Variants in CNTNAP2 observed in about 807,000 individuals in gnomAD.
CNTNAP2 encodes the protein contactin-associated protein-like 2.
Under a neutral mutation model 155.2 loss-of-function variants are expected in CNTNAP2, and 98 were observed. That is an observed-to-expected ratio of 0.63 (90% CI 0.54 to 0.75). The LOEUF (loss-of-function observed/expected upper bound fraction) is 0.75, where lower values mean the gene tolerates loss of function less well. Ranked by LOEUF, CNTNAP2 falls within the 30% of genes least tolerant of loss-of-function variation. The pLI, the probability that CNTNAP2 is intolerant of heterozygous loss-of-function variation, is 0.00. For missense variants in CNTNAP2, 1,727 were observed against 1,688.1 expected (o/e 1.02, Z -0.40); for synonymous variants, 651 against 631.2 (o/e 1.03, Z -0.47).
chr7:146,684,572 G>A (rs1244294746), intron 1 of CNTNAP2, among the ~76,000 whole-genome samples: 1 of 123,706 alleles, frequency 8.1e-6, no homozygotes, highest in African/African-American at 3.1e-5. Context: ...ATATTTATAT[G>A]ATGACAAGAT....
intron 1 of CNTNAP2, among the ~76,000 whole-genome samples, chr7:146,544,131 AC>A (rs1797994202): frequency 6.6e-6 from 1 of 151,980 alleles, no homozygotes; most frequent in African/African-American, 2.4e-5. Flanking sequence ...ATAATTTAGT[AC>A]CCTGAGTTTT....
chr7:146,270,149 T>A (rs932360594), intron 1 of CNTNAP2, among the ~76,000 whole-genome samples: 1 of 152,222 alleles, frequency 6.6e-6, no homozygotes, highest in African/African-American at 2.4e-5. Context: ...TGGTTATTTT[T>A]AAATTAGGAG....
At chr7:147,090,985 G>T (rs968684831) in intron 4 of CNTNAP2, among the ~76,000 whole-genome samples, 2 of 151,960 alleles carry the variant, frequency 1.3e-5, no homozygotes, top group African/African-American at 4.8e-5. Flanking sequence ...AAAAATAAAT[G>T]AAAAATTAAG....
chr7:147,484,189 C>A (rs1234584676), intron 10 of CNTNAP2, among the ~76,000 whole-genome samples: 1 of 152,178 alleles, frequency 6.6e-6, no homozygotes, highest in Non-Finnish European at 1.5e-5. Flanking sequence ...GCCTTGATAA[C>A]ACTGAGCCCA....
At chr7:148,102,150 G>C (rs13247565) in intron 15 of CNTNAP2, among the ~76,000 whole-genome samples, 16,964 of 152,038 alleles carry the variant, frequency 0.11, 1,198 homozygotes, top group East Asian at 0.18. Context: ...CCTCAAGTAG[G>C]CCCCTGGGTC....
At chr7:146,251,897 C>A (rs1799762077) in intron 1 of CNTNAP2, among the ~76,000 whole-genome samples, 1 of 152,204 alleles carries the variant, frequency 6.6e-6, no homozygotes, top group African/African-American at 2.4e-5. Flanking sequence ...TCTGGGTCTT[C>A]TTTATCAGTC....
At chr7:147,482,110 A>AG (rs1227192057) in intron 10 of CNTNAP2, among the ~76,000 whole-genome samples, 4 of 152,296 alleles carry the variant, frequency 2.6e-5, no homozygotes, top group African/African-American at 9.6e-5. Flanking sequence ...AAGAATTATA[A>AG]GATAAAAACC....
chr7:148,057,160 G>A (rs1346072045), intron 15 of CNTNAP2, among the ~76,000 whole-genome samples: 7 of 152,162 alleles, frequency 4.6e-5, no homozygotes, highest in Non-Finnish European at 7.3e-5. Context: ...ACATAGTTTA[G>A]AAGTTAAGAG....
intron 6 of CNTNAP2, among the ~76,000 whole-genome samples, chr7:147,123,212 C>T (rs1262451484): frequency 6.6e-6 from 1 of 152,100 alleles, no homozygotes; most frequent in African/African-American, 2.4e-5. Flanking sequence ...TAGTATGTGT[C>T]TTGGCTCATG....
intron 13 of CNTNAP2, among the ~76,000 whole-genome samples, chr7:147,777,703 T>G (rs1797606551): frequency 1.3e-5 from 2 of 152,222 alleles, no homozygotes; most frequent in East Asian, 3.8e-4. Context: ...TTAATGTTTG[T>G]ATTATAAGGG....
intron 8 of CNTNAP2, chr7:147,161,932 A>G (rs1395094619): frequency 6.6e-6 from 1 of 152,142 alleles, no homozygotes; most frequent in Non-Finnish European, 1.5e-5. Flanking sequence ...AAGGGTGGAT[A>G]TTTTATCATA....
chr7:146,562,370 C>G (rs1054361733), intron 1 of CNTNAP2, among the ~76,000 whole-genome samples: 1 of 151,982 alleles, frequency 6.6e-6, no homozygotes, highest in African/African-American at 2.4e-5. Flanking sequence ...TTAATTAAAA[C>G]TTGTGCTAAA....
At chr7:148,338,840 G>C (rs928814178) in intron 21 of CNTNAP2, among the ~76,000 whole-genome samples, 5 of 152,140 alleles carry the variant, frequency 3.3e-5, no homozygotes, top group Admixed American at 1.3e-4. Flanking sequence ...AGGAGGAGAA[G>C]GGGAAGAGAA....
intron 10 of CNTNAP2, among the ~76,000 whole-genome samples, chr7:147,449,475 C>A (rs1037762937): frequency 6.6e-6 from 1 of 152,064 alleles, no homozygotes; most frequent in Non-Finnish European, 1.5e-5. Flanking sequence ...CAAGACGGAG[C>A]TGATCCTCTC....
At chr7:147,467,032 A>T (rs1385333672) in intron 10 of CNTNAP2, among the ~76,000 whole-genome samples, 2 of 152,146 alleles carry the variant, frequency 1.3e-5, no homozygotes, top group African/African-American at 2.4e-5. Context: ...GTGTCTCCTT[A>T]TTTTTCAGAA....
chr7:146,758,412 G>A (rs964203809), intron 1 of CNTNAP2, among the ~76,000 whole-genome samples: 1 of 152,150 alleles, frequency 6.6e-6, no homozygotes, highest in African/African-American at 2.4e-5. Context: ...GTCTGGGTGA[G>A]GCTTTGATCT....
At chr7:147,690,213 T>C (rs562197811) in intron 13 of CNTNAP2, among the ~76,000 whole-genome samples, 71 of 152,138 alleles carry the variant, frequency 4.7e-4, no homozygotes, top group Non-Finnish European at 8.2e-4. Context: ...CAGTTTCATT[T>C]CTCCAAAATG....
intron 3 of CNTNAP2, among the ~76,000 whole-genome samples, chr7:146,927,149 T>C (rs1796625069): frequency 6.6e-6 from 1 of 152,194 alleles, no homozygotes; most frequent in African/African-American, 2.4e-5. Flanking sequence ...TTTCTAAATC[T>C]GTTTACTGGG....
chr7:147,499,146 G>C (rs1798764956), intron 11 of CNTNAP2, among the ~76,000 whole-genome samples: 1 of 152,250 alleles, frequency 6.6e-6, no homozygotes, highest in Middle Eastern at 3.4e-3. Flanking sequence ...TAACTTTGAT[G>C]GTTGGGAAGA....
Sources: allele counts gnomAD v4.1 joint callset (sites outside exome capture counted in the v4.1 genomes callset), GRCh38; gene constraint gnomAD v4.1.1; transcripts MANE v1.5; gene names NCBI Gene and HGNC (gene_info 2026-07-23, HGNC 2026-07-21).